The following SMOC2 variants were observed in gnomAD, a reference collection of about 807,000 sequenced individuals.
SMOC2 encodes SPARC-related modular calcium-binding protein 2.
Under a neutral mutation model 61.4 loss-of-function variants are expected in SMOC2, and 39 were observed. That is an observed-to-expected ratio of 0.64 (90% CI 0.49 to 0.83). The LOEUF is 0.83. SMOC2 is among the 40% of genes least tolerant of loss of function. The pLI is 0.00. For missense variants in SMOC2, 556 were observed against 592.9 expected (o/e 0.94, Z 0.65); for synonymous variants, 247 against 239.9 (o/e 1.03, Z -0.27).
intron 1 of SMOC2, among the ~76,000 whole-genome samples, chr6:168,455,301 A>G (rs1781558547): frequency 6.6e-6 from 1 of 152,144 alleles, no homozygotes; most frequent in African/African-American, 2.4e-5. Flanking sequence ...TAACTGGTGA[A>G]CTTTGTAATC....
chr6:168,580,448 C>T (rs1784895719), intron 7 of SMOC2, among the ~76,000 whole-genome samples: 1 of 152,194 alleles, frequency 6.6e-6, no homozygotes, highest in South Asian at 2.1e-4. Flanking sequence ...AATATGAATT[C>T]CCATGCAGCC....
rs1343005092 is a variant in SMOC2 at position 168,452,493 on chromosome 6, T to C, written c.84+11039T>C. 1.3e-5 allele frequency among the ~76,000 whole-genome samples: 2 copies of C among 152,202 alleles called. No homozygotes were observed. The highest frequency in any genetic ancestry group is 1.3e-4 in the Admixed American group (2 of 15,276). The stretch of plus-strand genomic sequence containing the variant: ...TTATTCAAAGCAATCGCTTAACTTA[T>C]TTTATTTGCTAAATGAATATTATAT... On this transcript the variant is annotated intron_variant, in intron 1 of 12. Transcript: ENST00000356284. The surrounding 1 kb of genome is among the most constrained non-coding windows in gnomAD (Gnocchi z 5.0).
At chr6:168,487,938 T>C (rs1782373600) in intron 1 of SMOC2, among the ~76,000 whole-genome samples, 1 of 152,244 alleles carries the variant, frequency 6.6e-6, no homozygotes, top group Non-Finnish European at 1.5e-5. Context: ...ATCATTCTGA[T>C]TGGGGAATTT....
chr6:168,519,423 A>G (rs1438173442), intron 2 of SMOC2, among the ~76,000 whole-genome samples: 1 of 152,202 alleles, frequency 6.6e-6, no homozygotes, highest in Non-Finnish European at 1.5e-5. Context: ...TGTGTCTTGC[A>G]GAAACTCTAC....
intron 1 of SMOC2, among the ~76,000 whole-genome samples, chr6:168,493,420 C>A (rs1562554634): frequency 6.6e-6 from 1 of 152,192 alleles, no homozygotes; most frequent in Non-Finnish European, 1.5e-5. Flanking sequence ...CCTTTCCCTT[C>A]ATAATCTTAC....
At chr6:168,627,470 G>A (rs766901257) in intron 9 of SMOC2, among the ~76,000 whole-genome samples, 1 of 151,942 alleles carries the variant, frequency 6.6e-6, no homozygotes, top group Admixed American at 6.6e-5. Context: ...TACTCTCTGC[G>A]GGCAGGATGT....
intron 7 of SMOC2, among the ~76,000 whole-genome samples, chr6:168,582,390 G>A (rs1303846722): frequency 6.6e-6 from 1 of 152,182 alleles, no homozygotes; most frequent in Non-Finnish European, 1.5e-5. Flanking sequence ...GTGCGTGTGT[G>A]AGCACTGAGC....
At chr6:168,582,750 G>T (rs1004445414) in intron 7 of SMOC2, among the ~76,000 whole-genome samples, 47 of 152,342 alleles carry the variant, frequency 3.1e-4, no homozygotes, top group African/African-American at 1.1e-3. Flanking sequence ...CACCTGTTTG[G>T]AGCATGTCCG....
intron 7 of SMOC2, among the ~76,000 whole-genome samples, chr6:168,559,386 C>T (rs186059639): frequency 1.8e-4 from 28 of 151,856 alleles, no homozygotes; most frequent in Middle Eastern, 3.4e-3. Flanking sequence ...ACCCAGTAGG[C>T]GGAAGTTGCA....
chr6:168,549,166 G>A lies in SMOC2; in HGVS notation c.600G>A (p.Gln200=), dbSNP rs925444848. Residue 200 remains glutamine (Q), a synonymous_variant, in exon 7 of 13, where the codon CAG becomes CAA. Coordinates refer to ENST00000356284, the MANE Select transcript of SMOC2 (RefSeq NM_001166412.2). ...ASRYPTLWTE[Q]VKSRQNKTNK... ...GTTACCCTACCCTTTGGACTGAACA[G>A]GTTAAAAGTCGGCAGAACAAAACCA... The A allele has an allele frequency of 1.9e-6, 3 of 1,614,140 alleles. No homozygotes were observed. The highest frequency in any genetic ancestry group is 2.5e-6 in the Non-Finnish European group (3 of 1,180,000).
chr6:168,479,833 C>A (rs534244741), intron 1 of SMOC2, among the ~76,000 whole-genome samples: 1 of 152,336 alleles, frequency 6.6e-6, no homozygotes, highest in East Asian at 1.9e-4. Context: ...CCTCCCACCT[C>A]CACCAGCAGA....
rs570982229 is a variant in SMOC2, at chr6:168,622,747, C to CCTTCACA, written c.907+14509_907+14515dup. On this transcript the variant is annotated intron_variant, in intron 9 of 12. Transcript: ENST00000356284. ...TAATCCACACTTCCACAGAGAGCCT[C>CCTTCACA]CTTCACAGGGGGGAAGCTGAGGTAC... 2.4e-3 allele frequency among the ~76,000 whole-genome samples: 361 copies of CCTTCACA among 152,240 alleles called. 1 individual carries two copies. The highest frequency in any genetic ancestry group is 7.8e-3 in the African/African-American group (326 of 41,546).
At chr6:168,578,297 G>A (rs532582805) in intron 7 of SMOC2, among the ~76,000 whole-genome samples, 31 of 152,314 alleles carry the variant, frequency 2.0e-4, no homozygotes, top group South Asian at 1.0e-3. Context: ...GACTGGCATC[G>A]TGGCTGGCAC....
chr6:168,606,556 T>A (rs1785698339), intron 8 of SMOC2, among the ~76,000 whole-genome samples: 1 of 152,100 alleles, frequency 6.6e-6, no homozygotes. Context: ...ATATGTCCCT[T>A]TAGAGAGAAA....
intron 9 of SMOC2, among the ~76,000 whole-genome samples, chr6:168,609,693 C>T (rs1785804035): frequency 6.6e-6 from 1 of 152,220 alleles, no homozygotes; most frequent in South Asian, 2.1e-4. Context: ...TTCTCACATG[C>T]TTGCTGCATG....
In SMOC2 at chr6:168,518,736, T is replaced by C. The variant is rs1033839145; in HGVS notation, c.257-7610T>C. Among the ~76,000 whole-genome samples, 16 of 151,270 alleles carry C rather than the reference T, an allele frequency of 1.1e-4. 1 individual carries two copies. Among genetic ancestry groups the C allele is most frequent in the African/African-American group, 3.4e-4 (14 of 41,036 alleles). On this transcript the variant is annotated intron_variant, in intron 2 of 12. Transcript: ENST00000356284. ...TGTTATGCTTATGTGAGTGTGCATG[T>C]GTGTGAATGTGCATGTGTGTGTGTT...
At chr6:168,540,528 C>T (rs1395925852) in intron 4 of SMOC2, among the ~76,000 whole-genome samples, 4 of 148,266 alleles carry the variant, frequency 2.7e-5, no homozygotes, top group East Asian at 3.9e-4. Flanking sequence ...ACAGAGGTTT[C>T]GAGTGGTGAA....
At chr6:168,481,962 A>G (rs1782216693) in intron 1 of SMOC2, among the ~76,000 whole-genome samples, 1 of 151,906 alleles carries the variant, frequency 6.6e-6, no homozygotes. Context: ...AAAAAAACCT[A>G]ACTTTACAAC....
rs199915298 is a variant in SMOC2 at position 168,650,674 on chromosome 6, T to A, written c.908-7T>A. The A allele has an allele frequency of 9.2e-5, 149 of 1,612,846 alleles. 2 individuals are homozygous for A. In the South Asian group the frequency reaches 1.3e-3, roughly 14 times the overall value. ...GTTAATTATGAAAACATACACGTGT[T>A]TTTCAGGTTGTCCGGGTGCCAAAAA... On this transcript the variant is annotated splice_region_variant and splice_polypyrimidine_tract_variant and intron_variant, in intron 9 of 12. Transcript: ENST00000356284.
Sources: allele counts gnomAD v4.1 joint callset (sites outside exome capture counted in the v4.1 genomes callset), GRCh38; gene constraint gnomAD v4.1.1; non-coding constraint Gnocchi (gnomAD v3.1); transcripts MANE v1.5; gene names NCBI Gene and HGNC (gene_info 2026-07-23, HGNC 2026-07-21).